The following SLC14A2 variants were observed in gnomAD, a reference collection of about 807,000 sequenced individuals.
SLC14A2 encodes the protein solute carrier family 14 member 2, also known as urea transporter 2.
A neutral mutation model predicts 104.6 loss-of-function variants in SLC14A2; 91 were observed. That is an observed-to-expected ratio of 0.87 (90% CI 0.73 to 1.04). The LOEUF is 1.04. Among genes scored for constraint, SLC14A2 ranks in the 50% least tolerant of loss-of-function variants. The probability of loss-of-function intolerance (pLI) is 0.00; values close to 1 mark genes in which losing one functional copy is unlikely to be tolerated. For synonymous variants in SLC14A2, 476 were observed against 466.4 expected, an observed-to-expected ratio of 1.02 and a Z score of -0.27; for missense variants, 1,189 against 1,156.0, an observed-to-expected ratio of 1.03 and a Z score of -0.41.
At chr18:45,235,486 C>A (rs2084215588) in intron 1 of SLC14A2, among the ~76,000 whole-genome samples, 1 of 152,034 alleles carries the variant, frequency 6.6e-6, no homozygotes, top group Non-Finnish European at 1.5e-5. Flanking sequence ...ACTACAGTCA[C>A]CCTACAGTAC....
chr18:45,660,808 T>C (rs2045924908), intron 10 of SLC14A2, among the ~76,000 whole-genome samples: 1 of 152,214 alleles, frequency 6.6e-6, no homozygotes, highest in Non-Finnish European at 1.5e-5. Flanking sequence ...TTATCCACGA[T>C]GAAAGTCCTA....
At chr18:45,227,834 C>T (rs1013550185) in intron 1 of SLC14A2, among the ~76,000 whole-genome samples, 5 of 152,208 alleles carry the variant, frequency 3.3e-5, no homozygotes, top group African/African-American at 1.2e-4. Flanking sequence ...ACACTCCTGT[C>T]AGCCCCATTC....
At chr18:45,344,338 C>T (rs2085426617) in intron 1 of SLC14A2, among the ~76,000 whole-genome samples, 1 of 152,194 alleles carries the variant, frequency 6.6e-6, no homozygotes, top group South Asian at 2.1e-4. Context: ...TCCTGAAAGA[C>T]TGCCCCAACT....
At chr18:45,591,761 T>G (rs2044649456) in intron 2 of SLC14A2, among the ~76,000 whole-genome samples, 2 of 152,136 alleles carry the variant, frequency 1.3e-5, no homozygotes, top group African/African-American at 4.8e-5. Flanking sequence ...CACTATACAC[T>G]AAGAGTTGTG....
chr18:45,620,471 A>T (rs1385168354), intron 1 of SLC14A2, among the ~76,000 whole-genome samples: 1 of 152,240 alleles, frequency 6.6e-6, no homozygotes, highest in Non-Finnish European at 1.5e-5. Context: ...GTCTGCATAC[A>T]GAAGGGACTC....
intron 1 of SLC14A2, among the ~76,000 whole-genome samples, chr18:45,409,048 C>T (rs2086186284): frequency 6.6e-6 from 1 of 152,124 alleles, no homozygotes; most frequent in African/African-American, 2.4e-5. Context: ...TTCTGTGTGT[C>T]AAACATTTGT....
At chr18:45,329,840 A>T (rs1201358698) in intron 1 of SLC14A2, among the ~76,000 whole-genome samples, 2 of 152,200 alleles carry the variant, frequency 1.3e-5, no homozygotes, top group Non-Finnish European at 1.5e-5. Context: ...ACAAAAACTT[A>T]GGTAAACTCA....
Position 45,465,760 on chromosome 18 carries a change from G to A in SLC14A2, c.-124-17473G>A, listed in dbSNP as rs376486499. ...GCTGTGGCGAGGGGTAAGCTATGAC[G>A]GGAGGAGCAGCCAACTGCCTGGCTG... On this transcript the variant is annotated intron_variant, in intron 1 of 20. Coordinates refer to the SLC14A2 transcript ENST00000586448. Among the ~76,000 whole-genome samples the A allele has an allele frequency of 7.9e-5, 12 of 152,290 alleles. 1 individual carries two copies. The East Asian group carries it at 1.4e-3, about 17-fold the overall frequency.
At chr18:45,312,306 C>T (rs1396356282) in intron 1 of SLC14A2, among the ~76,000 whole-genome samples, 1 of 151,702 alleles carries the variant, frequency 6.6e-6, no homozygotes, top group Non-Finnish European at 1.5e-5. Flanking sequence ...ATATGAGAGA[C>T]AATCAGCTAA....
chr18:45,326,509 C>T (rs1245768461), intron 1 of SLC14A2, among the ~76,000 whole-genome samples: 2 of 152,186 alleles, frequency 1.3e-5, no homozygotes, highest in Admixed American at 6.5e-5. Flanking sequence ...AGCAAAAGTG[C>T]TTCTCCCCAA....
intron 1 of SLC14A2, among the ~76,000 whole-genome samples, chr18:45,297,978 CAA>C (rs1261939208): frequency 6.6e-6 from 1 of 152,112 alleles, no homozygotes; most frequent in African/African-American, 2.4e-5. Flanking sequence ...ACTTTAAAGA[CAA>C]AGAGGCATTT....
At chr18:45,191,450 A>T in the SLC14A2 span, among the ~76,000 whole-genome samples, 2 of 152,232 alleles carry the variant, frequency 1.3e-5, no homozygotes, top group Non-Finnish European at 2.9e-5. Flanking sequence ...GAAATCAAAC[A>T]AATGTATACA....
intron 1 of SLC14A2, among the ~76,000 whole-genome samples, chr18:45,254,652 T>C (rs190026784): frequency 2.0e-5 from 3 of 152,248 alleles, no homozygotes; most frequent in African/African-American, 7.2e-5. Flanking sequence ...TCTCTATGTT[T>C]GAGGAGAGAA....
chr18:45,500,824 C>G (rs2043186635), intron 2 of SLC14A2, among the ~76,000 whole-genome samples: 1 of 152,194 alleles, frequency 6.6e-6, no homozygotes, highest in African/African-American at 2.4e-5. Context: ...CAGGTTCTAT[C>G]TGGTTTCGGG....
intron 1 of SLC14A2, among the ~76,000 whole-genome samples, chr18:45,214,974 A>G (rs1432304681): frequency 6.6e-6 from 1 of 151,842 alleles, no homozygotes; most frequent in African/African-American, 2.4e-5. Flanking sequence ...CTAATAGCTT[A>G]TATCCAGTGA....
At chr18:45,305,479 G>A (rs2085010181) in intron 1 of SLC14A2, among the ~76,000 whole-genome samples, 1 of 152,130 alleles carries the variant, frequency 6.6e-6, no homozygotes, top group Non-Finnish European at 1.5e-5. Flanking sequence ...CTTTTGGATG[G>A]GTTTTATTAT....
intron 2 of SLC14A2, among the ~76,000 whole-genome samples, chr18:45,503,704 G>A (rs998262933): frequency 6.6e-6 from 1 of 152,192 alleles, no homozygotes; most frequent in Non-Finnish European, 1.5e-5. Context: ...TGATAGTAGA[G>A]AGACTGGTGC....
chr18:45,211,347 AAAACTAACC>A (rs1489971254), upstream of SLC14A2, among the ~76,000 whole-genome samples: 1 of 152,212 alleles, frequency 6.6e-6, no homozygotes, highest in African/African-American at 2.4e-5. Flanking sequence ...AGCCTATAGG[AAAACTAACC>A]AATCTTAGAC....
At chr18:45,313,259 G>A (rs2144221104) in intron 1 of SLC14A2, among the ~76,000 whole-genome samples, 1 of 152,254 alleles carries the variant, frequency 6.6e-6, no homozygotes, top group South Asian at 2.1e-4. Flanking sequence ...CTTCTAGGAT[G>A]GGATTGGAGG....
Sources: gnomAD v4.1 joint callset for allele counts (sites outside exome capture counted in the v4.1 genomes callset) on GRCh38, gnomAD v4.1.1 for gene constraint, MANE v1.5 for transcripts, NCBI Gene and HGNC (gene_info 2026-07-23, HGNC 2026-07-21) for gene names.